Variants in FRY observed in about 807,000 individuals in gnomAD.
The protein encoded by FRY is protein furry homolog.
FRY carries 128 observed loss-of-function variants against 348.4 expected under a neutral mutation model. The ratio of observed to expected loss-of-function variants is 0.37; its 90% CI spans 0.32 to 0.43. FRY has a LOEUF of 0.43. Among genes scored for constraint, FRY ranks in the 20% least tolerant of loss-of-function variants. The pLI, the probability that FRY is intolerant of heterozygous loss-of-function variation, is 1.00. For synonymous variants in FRY, 1,370 were observed against 1,374.7 expected, an observed-to-expected ratio of 1.00 and a Z score of 0.08; for missense variants, 2,736 against 3,695.2, an observed-to-expected ratio of 0.74 and a Z score of 6.73.
rs1180008100 is a variant in FRY, at chr13:32,254,310, G to T, written c.7332G>T (p.Glu2444Asp). 6.2e-7 allele frequency: 1 copy of T among 1,614,074 alleles called. No individual in the cohort carries two copies. The highest frequency in any genetic ancestry group is 1.7e-4 in the Middle Eastern group (1 of 6,060). Residue 2444 changes from glutamate to aspartate, a missense_variant, in exon 51 of 61, where the codon GAG (glutamate) becomes GAT (aspartate). By Grantham distance (45) the Glu-to-Asp change is conservative. Coordinates refer to ENST00000542859, the MANE Select transcript of FRY (RefSeq NM_023037.3). ...VSSEDGAREQENMDDTNSEQQ... is the reference protein window; with the variant it reads ...VSSEDGAREQDNMDDTNSEQQ... ...CTGAGGACGGTGCCCGAGAGCAGGA[G>T]AACATGGATGACACAAACAGCGAGC...
intron 29 of FRY, among the ~76,000 whole-genome samples, chr13:32,201,539 C>T (rs1431068766): frequency 6.6e-6 from 1 of 152,188 alleles, no homozygotes; most frequent in Non-Finnish European, 1.5e-5. Context: ...TTAGAAGAAT[C>T]AAATGAAAAT....
chr13:32,196,666 T>C (rs1008321865), intron 29 of FRY, among the ~76,000 whole-genome samples: 9 of 152,028 alleles, frequency 5.9e-5, no homozygotes, highest in Non-Finnish European at 7.4e-5. Context: ...TCTGGTGATA[T>C]TAGGAGATAG....
intron 1 of FRY, among the ~76,000 whole-genome samples, chr13:32,066,809 G>T (rs1249434010): frequency 2.0e-5 from 3 of 152,072 alleles, no homozygotes; most frequent in African/African-American, 7.2e-5. Context: ...TCATTGGTTT[G>T]CCATTTAAGA....
At chr13:32,058,368 A>C (rs1486867149) in intron 1 of FRY, among the ~76,000 whole-genome samples, 2 of 152,178 alleles carry the variant, frequency 1.3e-5, no homozygotes, top group Non-Finnish European at 2.9e-5. Context: ...ACCACATCTA[A>C]ATGAATTCAG....
At chr13:32,083,629 A>G (rs533985107) in intron 2 of FRY, among the ~76,000 whole-genome samples, 1 of 152,202 alleles carries the variant, frequency 6.6e-6, no homozygotes, top group South Asian at 2.1e-4. Context: ...GGGGCCAAAT[A>G]TCTGGTTACT....
At chr13:32,115,447 T>C (rs4529997) in intron 3 of FRY, among the ~76,000 whole-genome samples, 6,563 of 152,286 alleles carry the variant, frequency 0.043, 312 homozygotes, top group East Asian at 0.26. Context: ...TTTGGGGGAT[T>C]CAGCCTCCCC....
intron 1 of FRY, 64 bp downstream of exon 1, chr13:32,031,929 A>G (rs1872241625): frequency 1.1e-6 from 1 of 927,066 alleles, no homozygotes; most frequent in Non-Finnish European, 1.8e-6. Context: ...GGCTGGAGAC[A>G]GAAAATCTCA....
At chr13:32,149,044 C>T (rs1880635383) in intron 13 of FRY, among the ~76,000 whole-genome samples, 1 of 148,386 alleles carries the variant, frequency 6.7e-6, no homozygotes, top group African/African-American at 2.5e-5. Flanking sequence ...CATATACACA[C>T]ATATATACAC....
intron 17 of FRY, among the ~76,000 whole-genome samples, chr13:32,167,100 A>G (rs935687302): frequency 9.8e-5 from 15 of 152,336 alleles, no homozygotes; most frequent in African/African-American, 3.6e-4. Context: ...AGTAGAATCA[A>G]TCTCATTTGG....
chr13:32,129,877 C>G (rs979635957), intron 7 of FRY, among the ~76,000 whole-genome samples: 1 of 152,240 alleles, frequency 6.6e-6, no homozygotes, highest in African/African-American at 2.4e-5. Context: ...AATCCCCTCA[C>G]GCCCCACTTG....
chr13:32,139,467 G>A (rs971922275), intron 11 of FRY, among the ~76,000 whole-genome samples: 3 of 152,140 alleles, frequency 2.0e-5, no homozygotes, highest in Non-Finnish European at 4.4e-5. Context: ...GCCATCAAGG[G>A]GCAGTGTGGC....
chr13:32,169,430 A>G (rs1285485768), intron 17 of FRY, among the ~76,000 whole-genome samples: 1 of 152,212 alleles, frequency 6.6e-6, no homozygotes, highest in Non-Finnish European at 1.5e-5. Context: ...AGTGACCCTC[A>G]CGACAGGTTT....
intron 46 of FRY, among the ~76,000 whole-genome samples, chr13:32,241,790 G>A (rs574221406): frequency 6.6e-6 from 1 of 152,172 alleles, no homozygotes; most frequent in East Asian, 1.9e-4. Flanking sequence ...TAAAAAAATT[G>A]GTTATCTAAT....
At chr13:32,125,989 C>T (rs1426490004) in intron 7 of FRY, among the ~76,000 whole-genome samples, 1 of 152,096 alleles carries the variant, frequency 6.6e-6, no homozygotes, top group East Asian at 1.9e-4. Context: ...GGCCATTTTG[C>T]ATGAGGCTAT....
chr13:32,247,471 A>T lies in FRY; in HGVS notation c.6977A>T (p.Lys2326Ile). 2 of 1,613,752 alleles carry T rather than the reference A, an allele frequency of 1.2e-6. No homozygotes were observed. The highest frequency in any genetic ancestry group is 1.7e-6 in the Non-Finnish European group (2 of 1,179,612). ...AGTGCTTCCAAGGAATTACCTGGGA[A>T]AACCCTGGACTTCCACTTCGATATT... ...WTSASKELPG[K>I]TLDFHFDISE... The change falls in exon 48 of 61, where the codon AAA becomes ATA. Residue 2326 changes from lysine (K) to isoleucine (I), a missense_variant. Transcript: ENST00000542859.
chr13:32,178,483 C>A (rs778083030), intron 21 of FRY, 47 bp downstream of exon 21: 170 of 1,601,588 alleles, frequency 1.1e-4, no homozygotes, highest in Non-Finnish European at 1.4e-4. Context: ...TTTCCATTTG[C>A]CCTCTTAAAT....
chr13:32,211,741 T>C (rs1369800254), intron 34 of FRY, among the ~76,000 whole-genome samples: 2 of 152,316 alleles, frequency 1.3e-5, no homozygotes, highest in East Asian at 3.9e-4. Flanking sequence ...TCATGAAATA[T>C]ATGCCATCCT....
intron 7 of FRY, 73 bp from the exon 8 acceptor site, chr13:32,131,599 C>CAGA: frequency 1.0e-6 from 1 of 1,004,472 alleles, no homozygotes; most frequent in Non-Finnish European, 1.6e-6. Flanking sequence ...CAATCACTCC[C>CAGA]AGATGCTGGA....
At chr13:32,245,751 G>T (rs894957444) in intron 47 of FRY, among the ~76,000 whole-genome samples, 4 of 152,212 alleles carry the variant, frequency 2.6e-5, no homozygotes, top group South Asian at 4.1e-4. Flanking sequence ...GCCACGATGG[G>T]GTTAAGTAGA....
Sources: allele counts gnomAD v4.1 joint callset (sites outside exome capture counted in the v4.1 genomes callset), GRCh38; gene constraint gnomAD v4.1.1; transcripts MANE v1.5; gene names NCBI Gene and HGNC (gene_info 2026-07-23, HGNC 2026-07-21).